Variants in PEX14 observed in about 807,000 individuals in gnomAD.
PEX14 encodes peroxisomal membrane protein PEX14.
PEX14 carries 15 observed loss-of-function variants against 49.5 expected under a neutral mutation model. The ratio of observed to expected loss-of-function variants is 0.30; its 90% CI spans 0.20 to 0.47. The LOEUF (loss-of-function observed/expected upper bound fraction) is 0.47. Among genes scored for constraint, PEX14 ranks in the 20% least tolerant of loss-of-function variants. PEX14 has a pLI of 1.00. For missense variants in PEX14, 398 were observed against 494.8 expected, an observed-to-expected ratio of 0.80 and a Z score of 1.86; for synonymous variants, 210 against 212.7, an observed-to-expected ratio of 0.99 and a Z score of 0.11.
At chr1:10,500,789 G>A (rs1419903895) in intron 2 of PEX14, among the ~76,000 whole-genome samples, 1 of 152,116 alleles carries the variant, frequency 6.6e-6, no homozygotes, top group Non-Finnish European at 1.5e-5. Flanking sequence ...TGGCCAGGTT[G>A]GTCTCGAACT....
intron 2 of PEX14, among the ~76,000 whole-genome samples, chr1:10,510,584 G>A (rs933507322): frequency 2.0e-5 from 3 of 152,146 alleles, no homozygotes; most frequent in Non-Finnish European, 4.4e-5. Context: ...TTGTATGGCC[G>A]TATATATTTT....
chr1:10,501,450 C>T (rs1258803545), intron 2 of PEX14, among the ~76,000 whole-genome samples: 2 of 152,132 alleles, frequency 1.3e-5, no homozygotes, highest in African/African-American at 4.8e-5. Context: ...GGACTACAGG[C>T]GCCCGCCACC....
At chr1:10,538,809 C>T (rs538600562) in intron 3 of PEX14, among the ~76,000 whole-genome samples, 1 of 152,322 alleles carries the variant, frequency 6.6e-6, no homozygotes, top group South Asian at 2.1e-4. Context: ...CACCCGTGCT[C>T]TTGGACTCCC....
chr1:10,630,334 C>T lies in PEX14; in HGVS notation c.*347C>T. ...TGCCCAGGGTGTGTTTGCTGAGTGT[C>T]TTGACTACCGTGACACCACGCATGG... On this transcript the variant is annotated 3_prime_UTR_variant, in exon 9 of 9. Transcript: ENST00000356607. This position sits in a 1 kb window ranked among gnomAD's most constrained non-coding sequence, Gnocchi z 4.1. 1 of 395,754 alleles carries T rather than the reference C, an allele frequency of 2.5e-6. No individual in the cohort carries two copies. The highest frequency in any genetic ancestry group is 4.7e-6 in the Non-Finnish European group (1 of 214,254). 24.5% of individuals were successfully genotyped at this position (395,754 alleles called of 1,614,324 possible).
intron 2 of PEX14, among the ~76,000 whole-genome samples, chr1:10,520,764 G>T (rs1638262198): frequency 6.6e-6 from 1 of 152,148 alleles, no homozygotes. Context: ...TTCGAAACGG[G>T]TCTAACCCAA....
chr1:10,593,715 TG>T (rs1254711916), intron 3 of PEX14, among the ~76,000 whole-genome samples: 1 of 107,546 alleles, frequency 9.3e-6, no homozygotes, highest in Non-Finnish European at 2.0e-5. Flanking sequence ...AGAAAGTGGG[TG>T]GGGGAGGCCC....
chr1:10,540,193 ATGAACT>A (rs1447664778), intron 3 of PEX14, among the ~76,000 whole-genome samples: 1 of 152,226 alleles, frequency 6.6e-6, no homozygotes, highest in Non-Finnish European at 1.5e-5. Flanking sequence ...CTTGCTGGAA[ATGAACT>A]TGAAGAAACC....
intron 1 of PEX14, among the ~76,000 whole-genome samples, chr1:10,488,132 T>C (rs1319747694): frequency 1.3e-5 from 2 of 152,162 alleles, no homozygotes; most frequent in African/African-American, 2.4e-5. Context: ...GTTTTAAAAA[T>C]AGATGTGAGG....
At position 10,613,326 on chromosome 1, in the gene PEX14, C is replaced by T. The variant is rs1312451641; in HGVS notation, c.299-5006C>T. Among the ~76,000 whole-genome samples, 3 of 152,222 alleles carry T rather than the reference C, an allele frequency of 2.0e-5. No individual in the cohort carries two copies. Among genetic ancestry groups the T allele is most frequent in the Non-Finnish European group, 4.4e-5 (3 of 68,042 alleles). ...TAGGAGCTGTGGGGATGCACCTCTC[C>T]TGCCCCCGCTCTACCATGGTTTTAC... On this transcript the variant is annotated intron_variant, in intron 4 of 8. Coordinates refer to ENST00000356607, the MANE Select transcript of PEX14 (RefSeq NM_004565.3). The surrounding 1 kb of genome is among the most constrained non-coding windows in gnomAD (Gnocchi z 5.0).
Position 10,539,106 on chromosome 1 carries a change from T to C in PEX14, c.169+2809T>C, listed in dbSNP as rs929699761. The stretch of plus-strand genomic sequence containing the variant: ...GGCGCATCAGCTGAGTTTGTTTCAT[T>C]GTGAAACCGCAGCTGGGAGCAGGGG... On this transcript the variant is annotated intron_variant, in intron 3 of 8. Coordinates refer to ENST00000356607, the MANE Select transcript of PEX14 (RefSeq NM_004565.3). The surrounding 1 kb of genome is among the most constrained non-coding windows in gnomAD (Gnocchi z 4.6). 2.0e-5 allele frequency among the ~76,000 whole-genome samples: 3 copies of C among 152,208 alleles called. No individual in the cohort carries two copies. Among genetic ancestry groups the C allele is most frequent in the Non-Finnish European group, 4.4e-5 (3 of 68,048 alleles).
chr1:10,568,792 T>C (rs1319523084), intron 3 of PEX14, among the ~76,000 whole-genome samples: 6 of 152,174 alleles, frequency 3.9e-5, no homozygotes, highest in African/African-American at 1.2e-4. Context: ...CTGGCTGGAG[T>C]GCAGTGGCGT....
At chr1:10,562,196 G>A (rs1373563693) in intron 3 of PEX14, among the ~76,000 whole-genome samples, 2 of 152,062 alleles carry the variant, frequency 1.3e-5, no homozygotes, top group Non-Finnish European at 2.9e-5. Context: ...GAGTCATGAG[G>A]CCCAGCTCTT....
intron 6 of PEX14, 32 bp from the exon 7 acceptor site, chr1:10,624,308 T>A: frequency 2.8e-6 from 4 of 1,417,044 alleles, no homozygotes; most frequent in Non-Finnish European, 4.0e-6. Context: ...GCCTGTGAAT[T>A]TGCCAGCGCC....
intron 3 of PEX14, among the ~76,000 whole-genome samples, chr1:10,544,491 T>C (rs1639109949): frequency 6.6e-6 from 1 of 152,192 alleles, no homozygotes; most frequent in East Asian, 1.9e-4. Context: ...CGAAGATGAC[T>C]CTCAGGGTTG....
intron 2 of PEX14, among the ~76,000 whole-genome samples, chr1:10,520,159 T>G (rs1330431531): frequency 9.9e-6 from 1 of 101,430 alleles, no homozygotes; most frequent in Admixed American, 1.0e-4. Flanking sequence ...TTTTTTTTTT[T>G]TTTGTTTTTT....
chr1:10,577,524 C>CTATATATATATATATATATA (rs1557854620), intron 3 of PEX14, among the ~76,000 whole-genome samples: 2 of 44,346 alleles, frequency 4.5e-5, no homozygotes, highest in Admixed American at 7.2e-4. Context: ...ATTTTGGACA[C>CTATATATATATATATATATA]TATACATATA....
intron 3 of PEX14, among the ~76,000 whole-genome samples, chr1:10,583,441 T>G (rs1044372440): frequency 1.3e-5 from 2 of 150,820 alleles, no homozygotes; most frequent in Admixed American, 6.6e-5. Flanking sequence ...AGGCTGGTCT[T>G]GAACTCCTGT....
In PEX14 at chr1:10,529,560, C is replaced by T. The variant is rs951617694; in HGVS notation, c.85-6653C>T. Among the ~76,000 whole-genome samples the T allele has an allele frequency of 2.6e-5, 4 of 152,150 alleles. No individual in the cohort carries two copies. The highest frequency in any genetic ancestry group is 7.2e-5 in the African/African-American group (3 of 41,414). ...CAAGCAGTTCATGCAATATTTTTAA[C>T]TAAGGCCAAGGGAAAAAAAATAAAT... On this transcript the variant is annotated intron_variant, in intron 2 of 8. Transcript: ENST00000356607. This position sits in a 1 kb window ranked among gnomAD's most constrained non-coding sequence, Gnocchi z 4.2.
intron 7 of PEX14, 72 bp downstream of exon 7, chr1:10,624,509 G>A (rs772887118): frequency 1.7e-4 from 187 of 1,073,852 alleles, no homozygotes; most frequent in Non-Finnish European, 2.5e-4. Flanking sequence ...TTGTCCCTTG[G>A]GCCGGGCTTG....
Sources: allele counts gnomAD v4.1 joint callset (sites outside exome capture counted in the v4.1 genomes callset), GRCh38; gene constraint gnomAD v4.1.1; non-coding constraint Gnocchi (gnomAD v3.1); transcripts MANE v1.5; gene names NCBI Gene and HGNC (gene_info 2026-07-23, HGNC 2026-07-21).